Variants in SATB1 observed in about 807,000 individuals in gnomAD.
SATB1 encodes the protein SATB homeobox 1.
In SATB1, 11 loss-of-function variants were observed where a neutral mutation model predicts 86.9. The observed-to-expected ratio is 0.13, with a 90% CI of 0.08 to 0.21. The LOEUF (loss-of-function observed/expected upper bound fraction) is 0.21, where lower values mean the gene tolerates loss of function less well. Among genes scored for constraint, SATB1 ranks in the 10% least tolerant of loss-of-function variants. The pLI is 1.00. For synonymous variants in SATB1, 357 were observed against 357.2 expected, an observed-to-expected ratio of 1.00 and a Z score of 0.01; for missense variants, 551 against 937.6, an observed-to-expected ratio of 0.59 and a Z score of 5.39.
chr3:18,386,339 T>TTCC lies in SATB1; in HGVS notation c.1419+57_1419+59dup. On this transcript the variant is annotated intron_variant, in intron 8 of 10. Transcript: ENST00000338745. The surrounding 1 kb of genome is among the most constrained non-coding windows in gnomAD (Gnocchi z 4.5). The stretch of plus-strand genomic sequence containing the variant: ...TCTATCTAATTTCTTATTGAGATTC[T>TTCC]TCCTCAAGCATTAAAAAAAAGCTAA... 7.9e-7 allele frequency: 1 copy of TTCC among 1,266,532 alleles called. No homozygotes were observed. 78.5% of individuals were successfully genotyped at this position (1,266,532 alleles called of 1,614,324 possible). A position where few individuals can be genotyped will look rare whatever the true frequency, so the allele number is the denominator to read the frequency against.
intron 5 of SATB1, among the ~76,000 whole-genome samples, chr3:18,403,962 T>C (rs1386652138): frequency 6.6e-6 from 1 of 152,086 alleles, no homozygotes; most frequent in Non-Finnish European, 1.5e-5. Flanking sequence ...TATCTGTCCA[T>C]GGAAAATTCA....
intron 5 of SATB1, among the ~76,000 whole-genome samples, chr3:18,410,584 G>A: frequency 6.6e-6 from 1 of 152,120 alleles, no homozygotes; most frequent in East Asian, 1.9e-4. Context: ...CAACTAATAA[G>A]ATGTTATATC....
chr3:18,354,816 C>T (rs1299808158), intron 9 of SATB1, among the ~76,000 whole-genome samples: 1 of 152,040 alleles, frequency 6.6e-6, no homozygotes, highest in Non-Finnish European at 1.5e-5. Flanking sequence ...CACACTCATG[C>T]TGGTTTAACA....
At chr3:18,414,658 G>T (rs999584827) in intron 5 of SATB1, among the ~76,000 whole-genome samples, 2 of 151,934 alleles carry the variant, frequency 1.3e-5, no homozygotes, top group African/African-American at 2.4e-5. Flanking sequence ...TTTTGGTAAT[G>T]AGTAAAGTAT....
At chr3:18,353,340 G>A (rs750349290) in intron 9 of SATB1, among the ~76,000 whole-genome samples, 8 of 151,982 alleles carry the variant, frequency 5.3e-5, no homozygotes, top group Non-Finnish European at 8.8e-5. Flanking sequence ...CCATCAATCT[G>A]GGGCTAGATT....
chr3:18,383,683 T>G (rs1696172708), intron 8 of SATB1, among the ~76,000 whole-genome samples: 1 of 151,710 alleles, frequency 6.6e-6, no homozygotes, highest in African/African-American at 2.4e-5. Flanking sequence ...TCCTTTATTT[T>G]AACTCATTTT....
chr3:18,370,540 G>GAAAAAAAAAAAAAAAAAAAAAAAAA (rs1559407474), intron 9 of SATB1, among the ~76,000 whole-genome samples: 1 of 88,174 alleles, frequency 1.1e-5, no homozygotes, highest in African/African-American at 4.3e-5. Flanking sequence ...AAAAAAAGAG[G>GAAAAAAAAAAAAAAAAAAAAAAAAA]AAAAACAAAA....
chr3:18,366,132 T>C (rs1695172449), intron 9 of SATB1, among the ~76,000 whole-genome samples: 2 of 152,200 alleles, frequency 1.3e-5, no homozygotes, highest in Middle Eastern at 3.2e-3. Flanking sequence ...CTCCTGTTGG[T>C]ACCATAAGTA....
At position 18,394,510 on chromosome 3, in the gene SATB1, T is replaced by C. The variant is rs770199336; in HGVS notation, c.1158A>G (p.Ala386=). The C allele has an allele frequency of 2.5e-6, 4 of 1,614,214 alleles. No individual in the cohort carries two copies. Among genetic ancestry groups the C allele is most frequent in the Non-Finnish European group, 2.5e-6 (3 of 1,180,038 alleles). The change falls in exon 7 of 11, where the codon GCA becomes GCG. Residue 386 remains alanine, a synonymous_variant. Transcript: ENST00000338745. This position sits in a 1 kb window ranked among gnomAD's most constrained non-coding sequence, Gnocchi z 5.9. ...YQWVRDELKR[A]GISQAVFARV... ...GTGCAAATACCGCCTGGGAGATTCC[T>C]GCTCGTTTCAGTTCATCGCGTACCC...
intron 9 of SATB1, among the ~76,000 whole-genome samples, chr3:18,375,324 G>A (rs891862539): frequency 6.6e-6 from 1 of 152,108 alleles, no homozygotes; most frequent in African/African-American, 2.4e-5. Flanking sequence ...AGCTCACAGG[G>A]TTACTAAATT....
At chr3:18,413,011 T>C (rs1443697031) in intron 5 of SATB1, among the ~76,000 whole-genome samples, 1 of 152,072 alleles carries the variant, frequency 6.6e-6, no homozygotes, top group Non-Finnish European at 1.5e-5. Context: ...AGAAGTTTTT[T>C]TATGGAAAAG....
chr3:18,400,953 C>CTT (rs1697235095), intron 5 of SATB1, among the ~76,000 whole-genome samples: 2 of 152,178 alleles, frequency 1.3e-5, no homozygotes, highest in Non-Finnish European at 2.9e-5. Context: ...CTGAAGCTGG[C>CTT]CTATATCTGG....
Position 18,395,292 on chromosome 3 carries a change from TACAA to T in SATB1, c.752-380_752-377del, listed in dbSNP as rs763369129. ...AGAATGTCATTTGCTTAATGACAACTACAAACAGTGAGCTGAGCTGAGAAAATAA... is the reference window on the plus strand; with the variant it reads ...AGAATGTCATTTGCTTAATGACAACTACAGTGAGCTGAGCTGAGAAAATAA... On this transcript the variant is annotated intron_variant, in intron 6 of 10. Transcript: ENST00000338745. Among the ~76,000 whole-genome samples the T allele has an allele frequency of 1.3e-3, 200 of 152,324 alleles. 1 individual carries two copies. The highest frequency in any genetic ancestry group is 4.4e-3 in the African/African-American group (185 of 41,578).
At chr3:18,421,380 C>T (rs1553626019) in intron 1 of SATB1, 2 of 167,364 alleles carry the variant, frequency 1.2e-5, no homozygotes, top group Non-Finnish European at 2.6e-5. Flanking sequence ...AGCAGAAACA[C>T]TTTAATAAAG....
chr3:18,425,696 G>A (rs1210909814), upstream of SATB1, among the ~76,000 whole-genome samples: 5 of 151,800 alleles, frequency 3.3e-5, no homozygotes, highest in Non-Finnish European at 7.4e-5. Context: ...GCCGGCCGCC[G>A]CCAGACGCGC....
intron 5 of SATB1, among the ~76,000 whole-genome samples, chr3:18,404,961 C>T (rs944827184): frequency 6.6e-6 from 1 of 151,918 alleles, no homozygotes; most frequent in African/African-American, 2.4e-5. Flanking sequence ...ATTTAAAAGT[C>T]TATGAAATCT....
intron 5 of SATB1, chr3:18,410,859 G>A: frequency 2.7e-6 from 1 of 371,536 alleles, no homozygotes; most frequent in Non-Finnish European, 4.8e-6. Context: ...ATTTGTAATT[G>A]TTGCTCCAAT....
At chr3:18,366,645 A>C (rs1018215956) in intron 9 of SATB1, among the ~76,000 whole-genome samples, 21 of 152,018 alleles carry the variant, frequency 1.4e-4, no homozygotes, top group Admixed American at 5.2e-4. Context: ...CTCATCTCAT[A>C]CTCTATACTG....
intron 5 of SATB1, among the ~76,000 whole-genome samples, chr3:18,414,481 G>A (rs980910507): frequency 1.3e-4 from 20 of 151,602 alleles, no homozygotes; most frequent in African/African-American, 4.6e-4. Flanking sequence ...AATCCCTGAT[G>A]GTATAACAGG....
Sources: allele counts gnomAD v4.1 joint callset (sites outside exome capture counted in the v4.1 genomes callset), GRCh38; gene constraint gnomAD v4.1.1; non-coding constraint Gnocchi (gnomAD v3.1); transcripts MANE v1.5; gene names NCBI Gene and HGNC (gene_info 2026-07-23, HGNC 2026-07-21).